SLC9A6: variants seen among roughly 807,000 people sequenced by gnomAD.
SLC9A6 encodes solute carrier family 9 member A6.
A neutral mutation model predicts 45.3 loss-of-function variants in SLC9A6; 6 were observed. The ratio of observed to expected loss-of-function variants is 0.13; its 90% CI spans 0.07 to 0.26. SLC9A6 has a LOEUF of 0.26. SLC9A6 is among the 10% of genes least tolerant of loss of function. SLC9A6 has a pLI of 1.00. For synonymous variants in SLC9A6, 191 were observed against 187.7 expected (o/e 1.02, Z -0.14); for missense variants, 278 against 503.7 (o/e 0.55, Z 4.29).
chrX:135,986,504 A>G (rs1706854866), intron 2 of SLC9A6, among the ~76,000 whole-genome samples: 1 of 111,371 alleles, frequency 9.0e-6, no homozygotes, highest in Non-Finnish European at 1.9e-5. Flanking sequence ...TCAGGCATAC[A>G]AAAGTGAGGA....
intron 10 of SLC9A6, among the ~76,000 whole-genome samples, chrX:136,014,908 A>G (rs1387452780): frequency 8.8e-6 from 1 of 113,160 alleles, no homozygotes; most frequent in Non-Finnish European, 1.9e-5. Flanking sequence ...TATGTCATAG[A>G]AGACATCAGA....
chrX:135,976,279 G>A (rs906219674), intron 1 of SLC9A6, among the ~76,000 whole-genome samples: 6 of 111,494 alleles, frequency 5.4e-5, no homozygotes, highest in African/African-American at 2.0e-4. Flanking sequence ...CTCCGCCCCT[G>A]GGAGGTAATA....
chrX:135,982,090 C>T (rs1312791594), upstream of SLC9A6, among the ~76,000 whole-genome samples: 1 of 111,511 alleles, frequency 9.0e-6, no homozygotes, highest in Non-Finnish European at 1.9e-5. Flanking sequence ...TTTCTCAGCC[C>T]TTAAAACGTG....
At chrX:135,999,329 A>G (rs891040411) in intron 6 of SLC9A6, among the ~76,000 whole-genome samples, 1 of 111,001 alleles carries the variant, frequency 9.0e-6, no homozygotes, top group Non-Finnish European at 1.9e-5. Flanking sequence ...TAATAATTAT[A>G]TATTTCCTTT....
intron 16 of SLC9A6, among the ~76,000 whole-genome samples, chrX:136,036,464 C>T (rs999880842): frequency 9.0e-5 from 10 of 111,398 alleles, no homozygotes; most frequent in African/African-American, 2.9e-4. Context: ...TTTTCATTTT[C>T]TTAATCCTGT....
intron 7 of SLC9A6, among the ~76,000 whole-genome samples, chrX:136,004,392 G>T (rs1422109098): frequency 9.0e-6 from 1 of 110,879 alleles, no homozygotes; most frequent in Non-Finnish European, 1.9e-5. Flanking sequence ...CCTGGCCCCT[G>T]CCTACCTACT....
intron 2 of SLC9A6, among the ~76,000 whole-genome samples, chrX:135,994,041 G>A (rs1204232213): frequency 1.8e-5 from 2 of 111,019 alleles, no homozygotes; most frequent in African/African-American, 6.6e-5. Flanking sequence ...TGTGCTTTGG[G>A]AATAAACTTG....
intron 2 of SLC9A6, among the ~76,000 whole-genome samples, chrX:135,990,111 G>T (rs922088683): frequency 8.1e-5 from 9 of 110,750 alleles, no homozygotes; most frequent in Non-Finnish European, 1.7e-4. Flanking sequence ...TCAGCCTCCC[G>T]AGTAGCTGGG....
chrX:136,012,177 C>T, intron 8 of SLC9A6, among the ~76,000 whole-genome samples: 1 of 113,093 alleles, frequency 8.8e-6, no homozygotes, highest in Non-Finnish European at 1.9e-5. Context: ...TTGTCAAGGA[C>T]TTCTTAGTTT....
intron 15 of SLC9A6, among the ~76,000 whole-genome samples, chrX:136,032,817 T>C (rs2071348788): frequency 8.9e-6 from 1 of 112,619 alleles, no homozygotes; most frequent in Non-Finnish European, 1.9e-5. Context: ...TATTATTACA[T>C]TGAGAGTTAA....
Position 136,044,835 on chromosome X carries a change from T to TA in SLC9A6, c.*111_*112insA. On this transcript the variant is annotated 3_prime_UTR_variant, in exon 18 of 18. Transcript: ENST00000630721. ...TCTCTGAATGTGTAAGCTATATAAA[T>TA]GCTATTTATATGGCATAGAAAGAAT... The TA allele has an allele frequency of 1.3e-5, 9 of 671,383 alleles. No individual in the cohort carries two copies. The highest frequency in any genetic ancestry group is 2.1e-5 in the African/African-American group (1 of 46,966). 55.3% of individuals were successfully genotyped at this position (671,383 alleles called of 1,213,427 possible). A position where few individuals can be genotyped will look rare whatever the true frequency, so the allele number is the denominator to read the frequency against.
At chrX:135,987,168 AG>A (rs1361957366) in intron 2 of SLC9A6, among the ~76,000 whole-genome samples, 13 of 111,974 alleles carry the variant, frequency 1.2e-4, no homozygotes, top group African/African-American at 3.6e-4. Context: ...CTGCTCACTA[AG>A]ATTCCTAGTT....
At chrX:136,038,619 T>C (rs1423314737) in intron 16 of SLC9A6, among the ~76,000 whole-genome samples, 3 of 111,622 alleles carry the variant, frequency 2.7e-5, no homozygotes, top group Non-Finnish European at 5.6e-5. Flanking sequence ...AGTGTTATTA[T>C]TATTTTTTTT....
chrX:135,989,905 T>G (rs1474522032), intron 2 of SLC9A6, among the ~76,000 whole-genome samples: 3 of 111,073 alleles, frequency 2.7e-5, no homozygotes, highest in Non-Finnish European at 5.7e-5. Context: ...GGTTGTGTTT[T>G]TTTTGTTTTT....
rs191341265 is a variant in SLC9A6 at position 136,038,352 on chromosome X, T to A, written c.1662-1724T>A. Among the ~76,000 whole-genome samples the A allele has an allele frequency of 8.9e-5, 10 of 112,500 alleles. No homozygotes were observed. In the East Asian group the frequency reaches 2.8e-3, roughly 31 times the overall value. On this transcript the variant is annotated intron_variant, in intron 16 of 17. Transcript: ENST00000630721. Reference sequence around the variant, plus strand: ...TATTTTGATTTTCATTGATTGATTGTTTGAATGTTAAACTAGTCTTGCATT... The same window carrying A: ...TATTTTGATTTTCATTGATTGATTGATTGAATGTTAAACTAGTCTTGCATT...
rs782674201 is a variant in SLC9A6, at chrX:136,040,027, C to G, written c.1662-49C>G. 7 of 1,036,530 alleles carry G rather than the reference C, an allele frequency of 6.8e-6. No homozygotes were observed. The South Asian group carries it at 1.4e-4, about 20-fold the overall frequency. The allele number at this position is 1,036,530 out of a possible 1,213,427, so 85.4% of individuals were successfully genotyped here. On this transcript the variant is annotated intron_variant, in intron 16 of 17. Coordinates refer to ENST00000630721, the MANE Select transcript of SLC9A6 (RefSeq NM_001379110.1). ...GGTGATTATTATCAAACGAGTTGCT[C>G]TTTTAAATTTGTAAAGAAAGGACCA... is the stretch of plus-strand genomic sequence containing the variant.
chrX:136,020,161 C>A (rs782694578), intron 11 of SLC9A6, among the ~76,000 whole-genome samples: 2 of 111,192 alleles, frequency 1.8e-5, no homozygotes, highest in South Asian at 7.7e-4. Flanking sequence ...TATAAAGTTA[C>A]ACATTCCCCC....
Position 136,046,328 on chromosome X carries a change from C to T in SLC9A6, c.*1604C>T, listed in dbSNP as rs782191717. 1.8e-5 allele frequency: 2 copies of T among 112,545 alleles called. No individual in the cohort carries two copies. Among genetic ancestry groups the T allele is most frequent in the African/African-American group, 3.2e-5 (1 of 30,853 alleles). The allele number at this position is 112,545 out of a possible 1,213,427, so 9.3% of individuals were successfully genotyped here. A position where few individuals can be genotyped will look rare whatever the true frequency, so the allele number is the denominator to read the frequency against. ...GGGGAATTCTAATGTTGTACCCTTT[C>T]GTGGCAGCTTTGACTGTTGGCATAG... On this transcript the variant is annotated 3_prime_UTR_variant, in exon 18 of 18. Coordinates refer to ENST00000630721, the MANE Select transcript of SLC9A6 (RefSeq NM_001379110.1).
chrX:135,995,016 T>C, intron 3 of SLC9A6, 31 bp downstream of exon 3: 1 of 1,013,473 alleles, frequency 9.9e-7, no homozygotes, highest in Non-Finnish European at 1.4e-6. Flanking sequence ...TTTGAATCTT[T>C]TTTGTGTCTA....
Sources: gnomAD v4.1 joint callset for allele counts (sites outside exome capture counted in the v4.1 genomes callset) on GRCh38, gnomAD v4.1.1 for gene constraint, MANE v1.5 for transcripts, NCBI Gene and HGNC (gene_info 2026-07-23, HGNC 2026-07-21) for gene names.